OPCML: variants seen among roughly 807,000 people sequenced by gnomAD.
The protein encoded by OPCML is opioid-binding protein/cell adhesion molecule.
OPCML carries 13 observed loss-of-function variants against 37.8 expected under a neutral mutation model. The ratio of observed to expected loss-of-function variants is 0.34; its 90% confidence interval spans 0.22 to 0.55. The LOEUF (loss-of-function observed/expected upper bound fraction) is 0.55. Ranked by LOEUF, OPCML falls within the 20% of genes least tolerant of loss-of-function variation. The pLI is 0.91. For missense variants in OPCML, 341 were observed against 435.6 expected, an observed-to-expected ratio of 0.78 and a Z score of 1.93; for synonymous variants, 176 against 168.8, an observed-to-expected ratio of 1.04 and a Z score of -0.33.
At chr11:132,911,826 A>C (rs1944435391) in intron 2 of OPCML, among the ~76,000 whole-genome samples, 1 of 152,208 alleles carries the variant, frequency 6.6e-6, no homozygotes, top group South Asian at 2.1e-4. Context: ...GAACTCTAAT[A>C]TTTCTAGACT....
chr11:133,228,637 CG>C (rs1254321437), intron 1 of OPCML, among the ~76,000 whole-genome samples: 1 of 152,240 alleles, frequency 6.6e-6, no homozygotes, highest in Non-Finnish European at 1.5e-5. Context: ...CACCTGCCCC[CG>C]CTTGGGCTGC....
intron 1 of OPCML, among the ~76,000 whole-genome samples, chr11:133,429,199 T>C (rs1459289140): frequency 6.6e-6 from 1 of 152,210 alleles, no homozygotes; most frequent in Non-Finnish European, 1.5e-5. Flanking sequence ...CCATATATCT[T>C]GGGACAGAGC....
At chr11:133,481,480 T>G (rs1376965461) in intron 1 of OPCML, among the ~76,000 whole-genome samples, 1 of 151,860 alleles carries the variant, frequency 6.6e-6, no homozygotes, top group Admixed American at 6.6e-5. Context: ...AATAAATAAA[T>G]GTATGTATGT....
chr11:132,900,960 A>G (rs1446872283), intron 2 of OPCML, among the ~76,000 whole-genome samples: 3 of 152,116 alleles, frequency 2.0e-5, no homozygotes, highest in African/African-American at 7.2e-5. Context: ...TGGGATGCCA[A>G]GGCAGGCAGG....
At chr11:132,559,404 C>A (rs953096198) in intron 3 of OPCML, among the ~76,000 whole-genome samples, 1 of 152,120 alleles carries the variant, frequency 6.6e-6, no homozygotes, top group African/African-American at 2.4e-5. Context: ...TCACAGGATA[C>A]ATTTATCAGA....
intron 4 of OPCML, among the ~76,000 whole-genome samples, chr11:132,467,512 T>A (rs2096123548): frequency 6.6e-6 from 1 of 152,246 alleles, no homozygotes; most frequent in Non-Finnish European, 1.5e-5. Flanking sequence ...TGTTTTATTA[T>A]TTAAAGGCAT....
At chr11:132,677,315 G>T (rs1317443827) in intron 2 of OPCML, among the ~76,000 whole-genome samples, 1 of 152,108 alleles carries the variant, frequency 6.6e-6, no homozygotes, top group African/African-American at 2.4e-5. Context: ...CAAGATTTCA[G>T]TTCTTCTGAA....
At chr11:133,312,384 T>C (rs1330410091) in intron 1 of OPCML, among the ~76,000 whole-genome samples, 1 of 152,202 alleles carries the variant, frequency 6.6e-6, no homozygotes, top group Non-Finnish European at 1.5e-5. Context: ...GATTCTCTGA[T>C]CTTGCTCCTC....
At chr11:132,699,471 G>A (rs549442959) in intron 2 of OPCML, among the ~76,000 whole-genome samples, 17 of 152,042 alleles carry the variant, frequency 1.1e-4, no homozygotes, top group Non-Finnish European at 2.4e-4. Context: ...AGAATATGAT[G>A]TTAGCTGTGG....
rs138615259 is a variant in OPCML at position 132,911,701 on chromosome 11, G to A, written c.146+31225C>T. On this transcript the variant is annotated intron_variant, in intron 2 of 7. Coordinates refer to ENST00000524381, the MANE Select transcript of OPCML (RefSeq NM_001012393.5). ...CACTCCATAGCCTCTTTAGCACAAGGCCACCCAAAGAGTGCAAATATGACT... is the reference window on the plus strand; with the variant it reads ...CACTCCATAGCCTCTTTAGCACAAGACCACCCAAAGAGTGCAAATATGACT... Among the ~76,000 whole-genome samples, 103 of 152,254 alleles carry A rather than the reference G, an allele frequency of 6.8e-4. 1 individual carries two copies. Among genetic ancestry groups the A allele is most frequent in the African/African-American group, 2.4e-3 (98 of 41,558 alleles).
chr11:132,769,357 A>G (rs2136118698), intron 2 of OPCML, among the ~76,000 whole-genome samples: 1 of 151,014 alleles, frequency 6.6e-6, no homozygotes, highest in East Asian at 2.0e-4. Flanking sequence ...CCTGCCTCAT[A>G]TGCTGAGTAG....
At chr11:132,824,020 A>G (rs1461988164) in intron 2 of OPCML, among the ~76,000 whole-genome samples, 1 of 152,074 alleles carries the variant, frequency 6.6e-6, no homozygotes, top group Non-Finnish European at 1.5e-5. Flanking sequence ...GTAGGGTTCA[A>G]TCCTGAAACT....
intron 2 of OPCML, among the ~76,000 whole-genome samples, chr11:132,806,372 A>C (rs998622844): frequency 8.5e-5 from 13 of 152,194 alleles, no homozygotes; most frequent in African/African-American, 3.1e-4. Context: ...CATAAGACAC[A>C]CTTTAAATAT....
chr11:132,429,015 G>A (rs1047411497), intron 7 of OPCML, among the ~76,000 whole-genome samples: 16 of 149,492 alleles, frequency 1.1e-4, no homozygotes, highest in Admixed American at 5.5e-4. Context: ...AATATTTGTT[G>A]ACTAGATGAA....
chr11:132,982,276 TCCATTTATCCCAAA>T (rs1946603965), intron 1 of OPCML, among the ~76,000 whole-genome samples: 1 of 152,168 alleles, frequency 6.6e-6, no homozygotes, highest in Non-Finnish European at 1.5e-5. Flanking sequence ...ATGAAGTTCT[TCCATTTATCCCAAA>T]TGTGTGTGAT....
intron 2 of OPCML, among the ~76,000 whole-genome samples, chr11:132,694,781 A>G (rs1943543343): frequency 6.6e-6 from 1 of 152,150 alleles, no homozygotes; most frequent in Admixed American, 6.5e-5. Flanking sequence ...CAAGGATCCC[A>G]GGACTTTGGA....
intron 1 of OPCML, chr11:133,439,138 G>A: frequency 3.9e-6 from 1 of 258,328 alleles, no homozygotes; most frequent in Non-Finnish European, 6.0e-6. Flanking sequence ...TTGGTCAGAA[G>A]TATGGTGGAA....
At chr11:132,983,313 G>A (rs1946625958) in intron 1 of OPCML, among the ~76,000 whole-genome samples, 1 of 152,248 alleles carries the variant, frequency 6.6e-6, no homozygotes, top group East Asian at 1.9e-4. Context: ...AAATGCCTCT[G>A]GGATTGGTCC....
intron 2 of OPCML, among the ~76,000 whole-genome samples, chr11:132,735,649 A>T (rs773154334): frequency 6.6e-6 from 1 of 151,896 alleles, no homozygotes; most frequent in Non-Finnish European, 1.5e-5. Context: ...ACGCCCGACT[A>T]ATTTTTTGTA....
Sources: allele counts gnomAD v4.1 joint callset (sites outside exome capture counted in the v4.1 genomes callset), GRCh38; gene constraint gnomAD v4.1.1; transcripts MANE v1.5; gene names NCBI Gene and HGNC (gene_info 2026-07-23, HGNC 2026-07-21).